The following NSF variants were observed in gnomAD, a reference collection of about 807,000 sequenced individuals.
NSF encodes N-ethylmaleimide sensitive factor, vesicle fusing ATPase, also known as vesicle-fusing ATPase.
Under a neutral mutation model 50.3 loss-of-function variants are expected in NSF, and 14 were observed. That is an observed-to-expected ratio of 0.28 (90% CI 0.18 to 0.44). The LOEUF (loss-of-function observed/expected upper bound fraction) is 0.44. Ranked by LOEUF, NSF falls within the 20% of genes least tolerant of loss-of-function variation. The pLI is 1.00. For missense variants in NSF, 218 were observed against 504.3 expected, an observed-to-expected ratio of 0.43 and a Z score of 5.44; for synonymous variants, 109 against 175.7, an observed-to-expected ratio of 0.62 and a Z score of 3.00.
chr17:46,750,403 G>A (rs1224202820), intron 18 of NSF, among the ~76,000 whole-genome samples: 4 of 152,134 alleles, frequency 2.6e-5, no homozygotes, highest in African/African-American at 9.7e-5. Context: ...GATTTTTTCA[G>A]ATTTTGGAAT....
intron 17 of NSF, among the ~76,000 whole-genome samples, chr17:46,731,329 G>C (rs1399051957): frequency 6.6e-6 from 1 of 152,146 alleles, no homozygotes; most frequent in Non-Finnish European, 1.5e-5. Context: ...CCTAGGGCTG[G>C]GAGGGGAGAA....
chr17:46,727,863 A>G (rs1299726393), intron 16 of NSF, among the ~76,000 whole-genome samples: 1 of 152,222 alleles, frequency 6.6e-6, no homozygotes, highest in African/African-American at 2.4e-5. Flanking sequence ...TTTATTCAAT[A>G]AGCACTTGCT....
chr17:46,685,503 A>G (rs540063013), intron 9 of NSF, among the ~76,000 whole-genome samples: 1 of 152,150 alleles, frequency 6.6e-6, no homozygotes, highest in East Asian at 1.9e-4. Context: ...CAAACTAGTT[A>G]AATATAGAAC....
At chr17:46,752,800 G>A (rs564465080) in intron 19 of NSF, among the ~76,000 whole-genome samples, 12 of 151,680 alleles carry the variant, frequency 7.9e-5, no homozygotes, top group East Asian at 3.9e-4. Context: ...ACGGAGTCTC[G>A]CTCTGTTGCC....
intron 15 of NSF, among the ~76,000 whole-genome samples, chr17:46,725,177 A>G (rs1568047741): frequency 6.6e-6 from 1 of 152,344 alleles, no homozygotes; most frequent in East Asian, 1.9e-4. Context: ...CAAGTGATTT[A>G]TGGCAAGATG....
chr17:46,708,818 A>AT (rs1406232958), intron 13 of NSF, among the ~76,000 whole-genome samples: 29 of 104,764 alleles, frequency 2.8e-4, no homozygotes, highest in African/African-American at 1.1e-3. Flanking sequence ...ATATATATAT[A>AT]TATATTTTTT....
At chr17:46,635,422 TATA>T in intron 4 of NSF, among the ~76,000 whole-genome samples, 1 of 97,208 alleles carries the variant, frequency 1.0e-5, no homozygotes, top group South Asian at 3.2e-4. Context: ...GCTTTCAACT[TATA>T]ATATCTATTC....
chr17:46,753,660 C>T lies in NSF; in HGVS notation c.2158-1654C>T, dbSNP rs1357257118. Among the ~76,000 whole-genome samples the T allele has an allele frequency of 2.0e-5, 3 of 151,960 alleles. No individual in the cohort carries two copies. The East Asian group carries it at 5.8e-4, about 29-fold the overall frequency. On this transcript the variant is annotated intron_variant, in intron 19 of 20. Transcript: ENST00000398238. Reference sequence around the variant, plus strand: ...AACTATGTGGATTTTTTCCCCAACCCTCATCCCTTTCCCTTCCTTTGATGC... The same window carrying T: ...AACTATGTGGATTTTTTCCCCAACCTTCATCCCTTTCCCTTCCTTTGATGC...
intron 15 of NSF, among the ~76,000 whole-genome samples, chr17:46,717,498 G>T (rs1419466149): frequency 6.6e-6 from 1 of 152,168 alleles, no homozygotes; most frequent in African/African-American, 2.4e-5. Context: ...GGATCATGAG[G>T]TCAGGAGTTC....
chr17:46,704,780 G>T lies in NSF; in HGVS notation c.1396G>T (p.Asp466Tyr), dbSNP rs1217179212. Residue 466 changes from aspartate (D) to tyrosine (Y), a missense_variant, in exon 13 of 21, where the codon GAC (aspartate) becomes TAC (tyrosine). By Grantham distance (160) the Asp-to-Tyr change is radical. Coordinates refer to ENST00000398238, the MANE Select transcript of NSF (RefSeq NM_006178.4). Reference sequence around the variant, plus strand: ...TTAGGCCAGTACTAAAGTGGAAGTGGACATGGAGAAAGCAGAAAGCCTGCA... The same window carrying T: ...TTAGGCCAGTACTAAAGTGGAAGTGTACATGGAGAAAGCAGAAAGCCTGCA... ...HIKASTKVEV[D>Y]MEKAESLQVT... 6.2e-7 allele frequency: 1 copy of T among 1,605,094 alleles called. No homozygotes were observed. The highest frequency in any genetic ancestry group is 8.5e-7 in the Non-Finnish European group (1 of 1,177,744).
chr17:46,707,250 T>C (rs769917318), intron 13 of NSF, among the ~76,000 whole-genome samples: 2 of 152,240 alleles, frequency 1.3e-5, no homozygotes, highest in African/African-American at 2.4e-5. Flanking sequence ...TTTCTCCATA[T>C]GTTAATTGAC....
intron 13 of NSF, among the ~76,000 whole-genome samples, chr17:46,707,353 CT>C (rs796572830): frequency 3.3e-5 from 5 of 152,096 alleles, no homozygotes; most frequent in Admixed American, 1.3e-4. Flanking sequence ...TTTATATACT[CT>C]TTTTTTCTCA....
intron 13 of NSF, among the ~76,000 whole-genome samples, chr17:46,708,822 A>ATTT (rs386627394): frequency 7.3e-5 from 8 of 108,850 alleles, no homozygotes; most frequent in Admixed American, 1.2e-4. Flanking sequence ...ATATATATAT[A>ATTT]TTTTTTTTTT....
intron 15 of NSF, among the ~76,000 whole-genome samples, chr17:46,721,363 C>CT (rs1427466747): frequency 2.0e-5 from 3 of 151,388 alleles, no homozygotes; most frequent in Middle Eastern, 3.5e-3. Context: ...GAGACACAGG[C>CT]TGACTGATGC....
chr17:46,737,448 G>A (rs780627020), intron 17 of NSF, among the ~76,000 whole-genome samples: 14 of 152,172 alleles, frequency 9.2e-5, no homozygotes, highest in South Asian at 2.1e-4. Context: ...CCCTAACGCT[G>A]AACAAGAGGA....
intron 1 of NSF, among the ~76,000 whole-genome samples, chr17:46,608,300 ACT>A (rs1407511247): frequency 1.5e-5 from 1 of 68,538 alleles, no homozygotes; most frequent in African/African-American, 7.6e-5. Context: ...ACAGAGCAAG[ACT>A]CTGTCTCAAA....
At chr17:46,681,703 T>C (rs2058459672) in intron 9 of NSF, among the ~76,000 whole-genome samples, 1 of 53,992 alleles carries the variant, frequency 1.9e-5, no homozygotes, top group Non-Finnish European at 3.2e-5. Context: ...CTTAATTGTT[T>C]CAATTTTATA....
At position 46,749,850 on chromosome 17, in the gene NSF, C is replaced by T. The variant is rs375489330; in HGVS notation, c.1986C>T (p.Ser662=). 195 of 1,614,004 alleles carry T rather than the reference C, an allele frequency of 1.2e-4. No homozygotes were observed. Among genetic ancestry groups the T allele is most frequent in the Non-Finnish European group, 1.6e-4 (194 of 1,179,980 alleles). ...AGATGGAAATGCTTAACGCTTTCAG[C>T]ACCACCATCCACGTGCCCAACATTG... ...LQEMEMLNAF[S]TTIHVPNIAT... is the part of the protein sequence containing the mutation. The change falls in exon 18 of 21, where the codon AGC becomes AGT. Residue 662 remains serine (S), a synonymous_variant. Coordinates refer to ENST00000398238, the MANE Select transcript of NSF (RefSeq NM_006178.4).
intron 13 of NSF, among the ~76,000 whole-genome samples, chr17:46,708,822 A>ATATT (rs1476082458): frequency 1.6e-4 from 17 of 108,850 alleles, no homozygotes; most frequent in East Asian, 3.7e-4. Flanking sequence ...ATATATATAT[A>ATATT]TTTTTTTTTT....
Sources: allele counts gnomAD v4.1 joint callset (sites outside exome capture counted in the v4.1 genomes callset), GRCh38; gene constraint gnomAD v4.1.1; transcripts MANE v1.5; gene names NCBI Gene and HGNC (gene_info 2026-07-23, HGNC 2026-07-21).